Variants in HEATR5B observed in about 807,000 individuals in gnomAD.
HEATR5B encodes HEAT repeat-containing protein 5B.
HEATR5B carries 156 observed loss-of-function variants against 224.1 expected under a neutral mutation model. The ratio of observed to expected loss-of-function variants is 0.70; its 90% CI spans 0.61 to 0.80. HEATR5B has a LOEUF of 0.80. HEATR5B is among the 30% of genes least tolerant of loss of function. HEATR5B has a pLI of 0.00. For missense variants in HEATR5B, 2,323 were observed against 2,535.5 expected (o/e 0.92, Z 1.80); for synonymous variants, 1,027 against 893.0 (o/e 1.15, Z -2.68).
At chr2:37,019,902 A>G in intron 25 of HEATR5B, 25 bp from the exon 26 acceptor site, 4 of 1,537,940 alleles carry the variant, frequency 2.6e-6, no homozygotes, top group Non-Finnish European at 3.6e-6. Context: ...AAAGCATTTT[A>G]TTTTTTACTT....
chr2:36,995,300 A>C (rs894677594), intron 33 of HEATR5B, among the ~76,000 whole-genome samples: 1 of 151,964 alleles, frequency 6.6e-6, no homozygotes, highest in African/African-American at 2.4e-5. Context: ...CATATTGGCC[A>C]GCCTGGTCTC....
intron 33 of HEATR5B, among the ~76,000 whole-genome samples, chr2:36,992,852 G>C (rs1365425334): frequency 6.6e-6 from 1 of 151,738 alleles, no homozygotes; most frequent in East Asian, 1.9e-4. Flanking sequence ...AGCCGCCCGA[G>C]GAGGTGGGAC....
intron 9 of HEATR5B, 40 bp from the exon 10 acceptor site, chr2:37,065,030 T>A: frequency 6.3e-7 from 1 of 1,584,530 alleles, no homozygotes; most frequent in Non-Finnish European, 8.6e-7. Flanking sequence ...TTTAATGAAG[T>A]CAAATGATTT....
At chr2:37,060,498 T>C (rs1671215521) in intron 12 of HEATR5B, 83 bp downstream of exon 12, 2 of 1,210,370 alleles carry the variant, frequency 1.7e-6, no homozygotes, top group Non-Finnish European at 2.3e-6. Context: ...AATAAAAAAC[T>C]ATAAAATAGT....
At position 37,072,162 on chromosome 2, in the gene HEATR5B, A is replaced by C; in HGVS notation, c.717T>G (p.Ser239=). ...NSNYGVRVAV[S]KLLGTVMATA... ...TGGCCATGACTGTTCCTAAAAGTTT[A>C]GACACTGCCACTCGTACCCCATAAT... The change falls in exon 6 of 36, where the codon TCT becomes TCG. Residue 239 remains serine, a synonymous_variant. Transcript: ENST00000233099. 6.2e-7 allele frequency: 1 copy of C among 1,614,106 alleles called. No individual in the cohort carries two copies. Among genetic ancestry groups the C allele is most frequent in the South Asian group, 1.1e-5 (1 of 91,080 alleles).
At chr2:37,002,247 C>G in intron 32 of HEATR5B, 59 bp downstream of exon 32, 10 of 1,569,924 alleles carry the variant, frequency 6.4e-6, no homozygotes, top group South Asian at 2.3e-5. Flanking sequence ...AAATCAAAGG[C>G]AAGCTCATCT....
chr2:37,049,111 C>T (rs1670378100), intron 18 of HEATR5B, among the ~76,000 whole-genome samples: 1 of 152,148 alleles, frequency 6.6e-6, no homozygotes, highest in Non-Finnish European at 1.5e-5. Flanking sequence ...TGAAACATCA[C>T]TAATAACTGC....
At chr2:37,081,396 C>G (rs1254357694) in intron 2 of HEATR5B, among the ~76,000 whole-genome samples, 3 of 152,054 alleles carry the variant, frequency 2.0e-5, no homozygotes, top group Admixed American at 2.0e-4. Flanking sequence ...TAAAGGGTAG[C>G]AACAACAACA....
At chr2:37,032,574 C>T (rs1572850106) in intron 22 of HEATR5B, 55 bp downstream of exon 22, 2 of 1,444,582 alleles carry the variant, frequency 1.4e-6, no homozygotes, top group South Asian at 1.3e-5. Flanking sequence ...TAGTACTTAA[C>T]TGAAATGTAA....
intron 3 of HEATR5B, 69 bp downstream of exon 3, chr2:37,079,051 A>G (rs1672396208): frequency 1.1e-6 from 1 of 930,034 alleles, no homozygotes; most frequent in Non-Finnish European, 1.6e-6. Flanking sequence ...TATGGTCCAT[A>G]GTCTCCTACT....
At chr2:37,011,390 C>T (rs1189401699) in intron 27 of HEATR5B, among the ~76,000 whole-genome samples, 1 of 152,190 alleles carries the variant, frequency 6.6e-6, no homozygotes, top group Non-Finnish European at 1.5e-5. Context: ...TTTTACTCTG[C>T]AGGCAATGGG....
intron 28 of HEATR5B, 70 bp from the exon 29 acceptor site, chr2:37,007,374 C>G: frequency 2.8e-6 from 4 of 1,411,900 alleles, no homozygotes; most frequent in Non-Finnish European, 3.7e-6. Flanking sequence ...GACCAAGTCT[C>G]GTTCTGTCGC....
intron 32 of HEATR5B, among the ~76,000 whole-genome samples, chr2:37,001,568 G>A (rs1179208975): frequency 6.6e-6 from 1 of 151,660 alleles, no homozygotes; most frequent in Non-Finnish European, 1.5e-5. Flanking sequence ...ACTGGAAGAG[G>A]AATTGTCTTG....
intron 30 of HEATR5B, 60 bp from the exon 31 acceptor site, chr2:37,003,746 T>C (rs890788871): frequency 1.1e-5 from 13 of 1,210,768 alleles, no homozygotes; most frequent in Non-Finnish European, 1.4e-5. Flanking sequence ...TAACTTTATA[T>C]TGTTAAAATC....
Position 37,065,623 on chromosome 2 carries a change from T to C in HEATR5B, c.1333+132A>G, listed in dbSNP as rs947574022. Reference sequence around the variant, plus strand: ...CACGCCCAGCCTATCACAATGAATATTAATTTAAGTAAAACCTGATGATCT... The same window carrying C: ...CACGCCCAGCCTATCACAATGAATACTAATTTAAGTAAAACCTGATGATCT... On this transcript the variant is annotated intron_variant, in intron 9 of 35. Transcript: ENST00000233099. The C allele has an allele frequency of 4.1e-5, 33 of 807,062 alleles. No individual in the cohort carries two copies. In the Admixed American group the frequency reaches 4.2e-4, roughly 10 times the overall value. The allele number at this position is 807,062 out of a possible 1,614,324, so 50.0% of individuals were successfully genotyped here. A position where few individuals can be genotyped will look rare whatever the true frequency, so the allele number is the denominator to read the frequency against.
intron 23 of HEATR5B, among the ~76,000 whole-genome samples, chr2:37,028,435 T>C (rs536572012): frequency 1.3e-5 from 2 of 152,254 alleles, no homozygotes; most frequent in African/African-American, 4.8e-5. Context: ...GGGGTTTTTA[T>C]ACATGAAAAT....
intron 34 of HEATR5B, among the ~76,000 whole-genome samples, chr2:36,989,730 TATGGGAC>T (rs1248430162): frequency 6.6e-6 from 1 of 151,970 alleles, no homozygotes; most frequent in Non-Finnish European, 1.5e-5. Context: ...CCCACCAATA[TATGGGAC>T]ACAGTGGAAG....
chr2:37,031,611 T>C (rs181497174), intron 22 of HEATR5B, among the ~76,000 whole-genome samples: 234 of 152,154 alleles, frequency 1.5e-3, no homozygotes, highest in African/African-American at 5.2e-3. Flanking sequence ...GTAACTACTT[T>C]TGGTGATGTT....
intron 35 of HEATR5B, among the ~76,000 whole-genome samples, chr2:36,984,215 A>ATATATAT (rs1553411492): frequency 9.1e-4 from 71 of 77,630 alleles, no homozygotes; most frequent in African/African-American, 4.0e-3. Context: ...AAAAAAAAAA[A>ATATATAT]ATATATATAT....
Sources: gnomAD v4.1 joint callset for allele counts (sites outside exome capture counted in the v4.1 genomes callset) on GRCh38, gnomAD v4.1.1 for gene constraint, MANE v1.5 for transcripts, NCBI Gene and HGNC (gene_info 2026-07-23, HGNC 2026-07-21) for gene names.